DLG2: variants seen among roughly 807,000 people sequenced by gnomAD.
DLG2 encodes discs large MAGUK scaffold protein 2.
Under a neutral mutation model 132.5 loss-of-function variants are expected in DLG2, and 45 were observed. The observed-to-expected ratio is 0.34, with a 90% CI of 0.27 to 0.44. The LOEUF is 0.44. Ranked by LOEUF, DLG2 falls within the 20% of genes least tolerant of loss-of-function variation. DLG2 has a pLI of 1.00. For synonymous variants in DLG2, 424 were observed against 419.6 expected (o/e 1.01, Z -0.13); for missense variants, 1,045 against 1,196.9 (o/e 0.87, Z 1.87).
At chr11:83,781,083 C>G (rs139158340) in intron 18 of DLG2, among the ~76,000 whole-genome samples, 1 of 152,308 alleles carries the variant, frequency 6.6e-6, no homozygotes, top group East Asian at 1.9e-4. Flanking sequence ...TGCTTTTGGT[C>G]TGTAGACAAC....
intron 7 of DLG2, among the ~76,000 whole-genome samples, chr11:84,391,303 TA>T (rs1465832142): frequency 1.3e-5 from 2 of 152,162 alleles, no homozygotes; most frequent in Non-Finnish European, 2.9e-5. Context: ...ATCCTTTATA[TA>T]AAAAATATGA....
intron 6 of DLG2, chr11:84,545,719 A>C (rs1592037369): frequency 3.9e-6 from 1 of 259,056 alleles, no homozygotes; most frequent in South Asian, 5.6e-5. Flanking sequence ...CAATTTTCCC[A>C]CATTCTTCAA....
intron 6 of DLG2, among the ~76,000 whole-genome samples, chr11:84,838,583 T>C (rs1032585849): frequency 2.0e-5 from 3 of 151,964 alleles, no homozygotes; most frequent in Admixed American, 1.3e-4. Context: ...GTTTCATTTT[T>C]ATTCATAATC....
At chr11:83,511,128 A>C (rs1051773414) in intron 21 of DLG2, among the ~76,000 whole-genome samples, 1 of 149,044 alleles carries the variant, frequency 6.7e-6, no homozygotes, top group African/African-American at 2.5e-5. Context: ...TTTTCTATCT[A>C]TGCTGAATTC....
intron 6 of DLG2, among the ~76,000 whole-genome samples, chr11:84,781,725 A>C (rs1490773098): frequency 6.6e-6 from 1 of 152,164 alleles, no homozygotes; most frequent in East Asian, 1.9e-4. Flanking sequence ...AAGAATATTC[A>C]TGTTTAGAGT....
intron 11 of DLG2, among the ~76,000 whole-genome samples, chr11:84,059,014 A>C (rs1475477048): frequency 2.0e-5 from 3 of 152,144 alleles, no homozygotes; most frequent in African/African-American, 7.2e-5. Flanking sequence ...AATTAGTATT[A>C]ATATGCTAGC....
chr11:84,157,364 TC>T, intron 9 of DLG2, among the ~76,000 whole-genome samples: 1 of 152,336 alleles, frequency 6.6e-6, no homozygotes. Context: ...ATGTTACTTT[TC>T]CATGGGCCCA....
At chr11:84,796,385 A>G (rs1441518883) in intron 6 of DLG2, among the ~76,000 whole-genome samples, 2 of 152,098 alleles carry the variant, frequency 1.3e-5, no homozygotes, top group Non-Finnish European at 2.9e-5. Flanking sequence ...ATTTTTTATT[A>G]GTTCATTGTT....
chr11:84,507,775 A>G (rs940080870), intron 7 of DLG2, among the ~76,000 whole-genome samples: 1 of 152,174 alleles, frequency 6.6e-6, no homozygotes, highest in African/African-American at 2.4e-5. Flanking sequence ...GAATACATTT[A>G]TTGACTTGCA....
chr11:85,135,935 G>T (rs144533744), intron 5 of DLG2, among the ~76,000 whole-genome samples: 1 of 152,272 alleles, frequency 6.6e-6, no homozygotes, highest in African/African-American at 2.4e-5. Context: ...ACCCAGAATG[G>T]AGCAGTGAGG....
intron 6 of DLG2, among the ~76,000 whole-genome samples, chr11:84,698,837 C>A (rs1193722395): frequency 6.6e-6 from 1 of 151,506 alleles, no homozygotes; most frequent in East Asian, 1.9e-4. Flanking sequence ...TGAATTCTTA[C>A]AGGACATTTT....
At chr11:85,157,289 T>C (rs2077657919) in intron 4 of DLG2, among the ~76,000 whole-genome samples, 1 of 152,054 alleles carries the variant, frequency 6.6e-6, no homozygotes, top group African/African-American at 2.4e-5. Flanking sequence ...ATATATGTGA[T>C]TCTAGAGGGA....
chr11:84,062,650 CAG>C (rs1354953884), intron 10 of DLG2, among the ~76,000 whole-genome samples: 1 of 152,008 alleles, frequency 6.6e-6, no homozygotes, highest in Non-Finnish European at 1.5e-5. Flanking sequence ...TTGGTGAAAA[CAG>C]GGACATAATT....
In DLG2 at chr11:85,340,794, G is replaced by GT. The variant is rs540927425; in HGVS notation, c.41-55430dup. Among the ~76,000 whole-genome samples, 68 of 152,048 alleles carry GT rather than the reference G, an allele frequency of 4.5e-4. No homozygotes were observed. The South Asian group carries it at 0.013, about 30-fold the overall frequency. ...GTCAAATTTATCAATCTTTTCTTTC[G>GT]TTTTCTCTAGAATTTGAGTCATAGT... On this transcript the variant is annotated intron_variant, in intron 3 of 27. Transcript: ENST00000376104.
At chr11:85,415,498 T>G (rs907729389) in intron 3 of DLG2, among the ~76,000 whole-genome samples, 4 of 152,216 alleles carry the variant, frequency 2.6e-5, no homozygotes, top group African/African-American at 4.8e-5. Context: ...CATTCCTATT[T>G]CTCCACATCC....
At chr11:85,250,435 C>A (rs2076342103) in intron 4 of DLG2, among the ~76,000 whole-genome samples, 1 of 152,036 alleles carries the variant, frequency 6.6e-6, no homozygotes, top group African/African-American at 2.4e-5. Flanking sequence ...TTCATAAATC[C>A]ACTGTTTTTT....
intron 17 of DLG2, among the ~76,000 whole-genome samples, chr11:83,830,948 A>G (rs2054318635): frequency 6.6e-6 from 1 of 152,260 alleles, no homozygotes; most frequent in Non-Finnish European, 1.5e-5. Context: ...GCAAGTATAC[A>G]GAATGTAAGC....
At chr11:85,511,277 A>G (rs1652813312) in intron 3 of DLG2, among the ~76,000 whole-genome samples, 1 of 152,012 alleles carries the variant, frequency 6.6e-6, no homozygotes, top group Non-Finnish European at 1.5e-5. Flanking sequence ...ATGCTAAATG[A>G]CGAGTTAATG....
chr11:85,228,676 C>T (rs1379994657), intron 4 of DLG2, among the ~76,000 whole-genome samples: 2 of 151,754 alleles, frequency 1.3e-5, no homozygotes, highest in Non-Finnish European at 2.9e-5. Flanking sequence ...TGTTACATAG[C>T]TTATCCTTTT....
Sources: allele counts gnomAD v4.1 joint callset (sites outside exome capture counted in the v4.1 genomes callset), GRCh38; gene constraint gnomAD v4.1.1; transcripts MANE v1.5; gene names NCBI Gene and HGNC (gene_info 2026-07-23, HGNC 2026-07-21).